TCF4: variants seen among roughly 807,000 people sequenced by gnomAD.
TCF4 encodes SL3-3 enhancer factor 2.
A neutral mutation model predicts 82.1 loss-of-function variants in TCF4; 3 were observed. The observed-to-expected ratio is 0.04, with a 90% CI of 0.02 to 0.09. The LOEUF (loss-of-function observed/expected upper bound fraction) is 0.09. TCF4 is among the 10% of genes least tolerant of loss of function. The pLI, the probability that TCF4 is intolerant of heterozygous loss-of-function variation, is 1.00. For synonymous variants in TCF4, 276 were observed against 309.6 expected, an observed-to-expected ratio of 0.89 and a Z score of 1.14; for missense variants, 518 against 852.7, an observed-to-expected ratio of 0.61 and a Z score of 4.89.
chr18:55,582,512 G>A (rs952736143), intron 3 of TCF4, among the ~76,000 whole-genome samples: 2 of 152,008 alleles, frequency 1.3e-5, no homozygotes, highest in African/African-American at 4.8e-5. Context: ...TGTGAAAAAT[G>A]CTCCCTGGGA....
At chr18:55,589,311 A>G (rs748654890), upstream of TCF4, 69 of 1,052,132 alleles carry the variant, frequency 6.6e-5, no homozygotes, top group Non-Finnish European at 7.7e-5. Context: ...AATGGCCACA[A>G]ATATTCTCAC....
intron 3 of TCF4, among the ~76,000 whole-genome samples, chr18:55,474,801 G>T (rs192611548): frequency 3.3e-5 from 5 of 151,872 alleles, no homozygotes; most frequent in African/African-American, 4.8e-5. Context: ...TTGAGACAGG[G>T]TCTCGTTCTG....
chr18:55,272,020 C>T (rs2146023130), intron 10 of TCF4, among the ~76,000 whole-genome samples: 1 of 152,100 alleles, frequency 6.6e-6, no homozygotes, highest in South Asian at 2.1e-4. Flanking sequence ...AAATATTTAA[C>T]TAACTATAAT....
chr18:55,521,560 T>C (rs973064259), intron 3 of TCF4, among the ~76,000 whole-genome samples: 2 of 152,172 alleles, frequency 1.3e-5, no homozygotes, highest in African/African-American at 4.8e-5. Context: ...GTCGGCTTAC[T>C]CTCACCTGAA....
intron 3 of TCF4, chr18:55,550,743 C>T (rs2097253536): frequency 6.6e-6 from 1 of 152,136 alleles, no homozygotes; most frequent in South Asian, 2.1e-4. Context: ...CTTTATGTAG[C>T]CCTTTTCATT....
intron 8 of TCF4, chr18:55,302,517 G>A (rs1259466983): frequency 2.0e-6 from 3 of 1,535,948 alleles, no homozygotes; most frequent in African/African-American, 2.7e-5. Flanking sequence ...GGTCAGACAT[G>A]GCTGACAGCA....
At chr18:55,409,619 T>C (rs895822289) in intron 5 of TCF4, among the ~76,000 whole-genome samples, 1 of 152,200 alleles carries the variant, frequency 6.6e-6, no homozygotes, top group African/African-American at 2.4e-5. Flanking sequence ...ACTACTATTA[T>C]TTACAACTTA....
At chr18:55,283,908 G>T (rs938483201) in intron 8 of TCF4, among the ~76,000 whole-genome samples, 1 of 152,180 alleles carries the variant, frequency 6.6e-6, no homozygotes, top group African/African-American at 2.4e-5. Flanking sequence ...GGAATGTTAA[G>T]CTGTCTTTCC....
At chr18:55,483,032 A>G (rs1333343744) in intron 3 of TCF4, 1 of 152,206 alleles carries the variant, frequency 6.6e-6, no homozygotes, top group African/African-American at 2.4e-5. Context: ...CCACTGAAGA[A>G]AAAGCTGCAT....
At chr18:55,477,476 C>T (rs1006304551) in intron 3 of TCF4, among the ~76,000 whole-genome samples, 1 of 152,154 alleles carries the variant, frequency 6.6e-6, no homozygotes, top group African/African-American at 2.4e-5. Context: ...ACTGAGTTTT[C>T]ACAGCTAGCA....
chr18:55,424,966 C>A (rs1254729803), intron 5 of TCF4, among the ~76,000 whole-genome samples: 2 of 152,186 alleles, frequency 1.3e-5, no homozygotes, highest in Non-Finnish European at 2.9e-5. Context: ...CAAAGAACAA[C>A]TATATGACTG....
At chr18:55,451,541 C>T (rs2095623663) in intron 5 of TCF4, among the ~76,000 whole-genome samples, 1 of 152,206 alleles carries the variant, frequency 6.6e-6, no homozygotes. Flanking sequence ...AGCTCCTTTG[C>T]TTCTTTGGTT....
chr18:55,421,131 A>G, intron 5 of TCF4, among the ~76,000 whole-genome samples: 1 of 152,172 alleles, frequency 6.6e-6, no homozygotes, highest in Non-Finnish European at 1.5e-5. Flanking sequence ...TTTTACCACA[A>G]TAGATTTTAC....
chr18:55,305,997 C>T (rs999220925), intron 8 of TCF4, among the ~76,000 whole-genome samples: 3 of 152,180 alleles, frequency 2.0e-5, no homozygotes, highest in Non-Finnish European at 4.4e-5. Flanking sequence ...CGTGCCCCTT[C>T]CGACTCTACT....
At chr18:55,505,630 C>A (rs969554295) in intron 3 of TCF4, among the ~76,000 whole-genome samples, 1 of 151,590 alleles carries the variant, frequency 6.6e-6, no homozygotes, top group East Asian at 1.9e-4. Context: ...CGGTGAAACC[C>A]CGTCTCTACT....
upstream of TCF4, chr18:55,588,323 G>T (rs537246823): frequency 4.6e-5 from 68 of 1,474,098 alleles, no homozygotes; most frequent in Middle Eastern, 2.3e-4. Flanking sequence ...AGAAATGGGT[G>T]GGGGGGCTCC....
chr18:55,559,300 A>G (rs2097334690), intron 3 of TCF4, among the ~76,000 whole-genome samples: 1 of 152,062 alleles, frequency 6.6e-6, no homozygotes, highest in Non-Finnish European at 1.5e-5. Context: ...GATATAATGG[A>G]GCAGAACAGA....
chr18:55,583,160 C>CATTA (rs563192519), intron 3 of TCF4, among the ~76,000 whole-genome samples: 87 of 152,170 alleles, frequency 5.7e-4, no homozygotes, highest in African/African-American at 1.5e-3. Context: ...ATAAAAGGAC[C>CATTA]ATTACACTTT....
chr18:55,556,513 T>G (rs1311612416), intron 3 of TCF4, among the ~76,000 whole-genome samples: 2 of 152,118 alleles, frequency 1.3e-5, no homozygotes, highest in African/African-American at 4.8e-5. Context: ...CACTGAGAAT[T>G]TCTTTCTTTC....
Sources: allele counts gnomAD v4.1 joint callset (sites outside exome capture counted in the v4.1 genomes callset), GRCh38; gene constraint gnomAD v4.1.1; transcripts MANE v1.5; gene names NCBI Gene and HGNC (gene_info 2026-07-23, HGNC 2026-07-21).